The following MLLT3 variants were observed in gnomAD, a reference collection of about 807,000 sequenced individuals.
MLLT3 encodes protein AF-9.
A neutral mutation model predicts 53.2 loss-of-function variants in MLLT3; 4 were observed. The ratio of observed to expected loss-of-function variants is 0.08; its 90% CI spans 0.04 to 0.17. The LOEUF is 0.17. MLLT3 is among the 10% of genes least tolerant of loss of function. The pLI, the probability that MLLT3 is intolerant of heterozygous loss-of-function variation, is 1.00. For missense variants in MLLT3, 569 were observed against 684.0 expected (o/e 0.83, Z 1.87); for synonymous variants, 283 against 230.6 (o/e 1.23, Z -2.06).
At chr9:20,402,500 G>C (rs1189969008) in intron 5 of MLLT3, among the ~76,000 whole-genome samples, 1 of 152,140 alleles carries the variant, frequency 6.6e-6, no homozygotes, top group African/African-American at 2.4e-5. Context: ...GAACGGAGGA[G>C]GATCTGGGTT....
chr9:20,529,637 T>C (rs147883077), intron 2 of MLLT3, among the ~76,000 whole-genome samples: 4 of 152,226 alleles, frequency 2.6e-5, no homozygotes, highest in African/African-American at 9.6e-5. Context: ...TGTTTCATGA[T>C]TTTATTTTTA....
At chr9:20,530,505 T>C (rs1231443406) in intron 2 of MLLT3, among the ~76,000 whole-genome samples, 2 of 152,218 alleles carry the variant, frequency 1.3e-5, no homozygotes, top group Admixed American at 6.5e-5. Context: ...AGCTTCTAGA[T>C]GACGGAGAGA....
chr9:20,342,774 ATCATAT>A lies in MLLT3; in HGVS notation c.*3663_*3668del, dbSNP rs1258296986. On this transcript the variant is annotated 3_prime_UTR_variant, in exon 11 of 11. Transcript: ENST00000380338. The stretch of plus-strand genomic sequence containing the variant: ...TCACTGCAGCTGTAGTAGTCTCTAC[ATCATAT>A]TCATAGTTTTAGAGCAACAGTCCAA... 1 of 190,626 alleles carries A rather than the reference ATCATAT, an allele frequency of 5.2e-6. No homozygotes were observed. Among genetic ancestry groups the A allele is most frequent in the East Asian group, 8.4e-5 (1 of 11,964 alleles). The allele number at this position is 190,626 out of a possible 1,614,324, so 11.8% of individuals were successfully genotyped here. A position where few individuals can be genotyped will look rare whatever the true frequency, so the allele number is the denominator to read the frequency against.
At chr9:20,452,912 G>A (rs1823872954) in intron 3 of MLLT3, among the ~76,000 whole-genome samples, 1 of 152,164 alleles carries the variant, frequency 6.6e-6, no homozygotes, top group African/African-American at 2.4e-5. Flanking sequence ...AATTAAGTAA[G>A]ATGAATAAGC....
intron 2 of MLLT3, among the ~76,000 whole-genome samples, chr9:20,459,684 G>A (rs1824061058): frequency 6.6e-6 from 1 of 152,112 alleles, no homozygotes; most frequent in Non-Finnish European, 1.5e-5. Context: ...AGAAACAGCT[G>A]TTAATGAGCA....
intron 2 of MLLT3, among the ~76,000 whole-genome samples, chr9:20,557,144 T>G (rs1819081232): frequency 6.6e-6 from 1 of 152,078 alleles, no homozygotes; most frequent in Admixed American, 6.6e-5. Flanking sequence ...CTGGCCCCTG[T>G]TCATACCACC....
Position 20,396,508 on chromosome 9 carries a change from C to G in MLLT3, c.1125+17213G>C, listed in dbSNP as rs78769169. On this transcript the variant is annotated intron_variant, in intron 5 of 10. Coordinates refer to ENST00000380338, the MANE Select transcript of MLLT3 (RefSeq NM_004529.4). ...AGACCTGGGGCCCTTTCCCAGGTCT[C>G]AAGAGTCTTTCTGGGGTGTTAGTTT... Among the ~76,000 whole-genome samples the G allele has an allele frequency of 5.8e-3, 878 of 152,200 alleles. 12 individuals are homozygous for G. Among genetic ancestry groups the G allele is most frequent in the African/African-American group, 0.02 (843 of 41,514 alleles).
intron 2 of MLLT3, among the ~76,000 whole-genome samples, chr9:20,608,854 G>T (rs1168116685): frequency 6.6e-6 from 1 of 151,954 alleles, no homozygotes; most frequent in Admixed American, 6.6e-5. Flanking sequence ...ACAACAATAA[G>T]AAGTTCCTGA....
chr9:20,490,411 C>T (rs561428363), intron 2 of MLLT3, among the ~76,000 whole-genome samples: 2 of 152,356 alleles, frequency 1.3e-5, no homozygotes, highest in South Asian at 4.1e-4. Flanking sequence ...CCATTGCTGG[C>T]TTTGAAATGT....
At chr9:20,409,320 G>C (rs1489639908) in intron 5 of MLLT3, among the ~76,000 whole-genome samples, 1 of 151,972 alleles carries the variant, frequency 6.6e-6, no homozygotes, top group African/African-American at 2.4e-5. Context: ...CTTCATATCA[G>C]AAGACAAGAT....
chr9:20,470,520 T>C (rs1824362561), intron 2 of MLLT3, among the ~76,000 whole-genome samples: 1 of 152,042 alleles, frequency 6.6e-6, no homozygotes, highest in Admixed American at 6.6e-5. Flanking sequence ...TTAGTATACC[T>C]ATGTCAATGC....
At chr9:20,450,383 C>T (rs1823809349) in intron 3 of MLLT3, among the ~76,000 whole-genome samples, 1 of 152,194 alleles carries the variant, frequency 6.6e-6, no homozygotes, top group African/African-American at 2.4e-5. Context: ...AATCAGATTA[C>T]AGCTTTCCAC....
chr9:20,599,514 G>C (rs757921452), intron 2 of MLLT3, among the ~76,000 whole-genome samples: 1 of 150,256 alleles, frequency 6.7e-6, no homozygotes, highest in Non-Finnish European at 1.5e-5. Flanking sequence ...CATTGTCCAT[G>C]GTAAACATAA....
In MLLT3 at chr9:20,360,473, A is replaced by G. The variant is rs1479618775; in HGVS notation, c.1431+269T>C. On this transcript the variant is annotated intron_variant, in intron 8 of 10. Coordinates refer to ENST00000380338, the MANE Select transcript of MLLT3 (RefSeq NM_004529.4). ...TGTAAAGTATATAGAAATCAGGAGT[A>G]AATGGTAAATGGGCAATACTTTTTG... 2.6e-5 allele frequency among the ~76,000 whole-genome samples: 4 copies of G among 152,240 alleles called. No individual in the cohort carries two copies. The East Asian group carries it at 7.7e-4, about 29-fold the overall frequency.
chr9:20,598,911 G>A lies in MLLT3; in HGVS notation c.193+21743C>T, dbSNP rs565233263. On this transcript the variant is annotated intron_variant, in intron 2 of 10. Coordinates refer to ENST00000380338, the MANE Select transcript of MLLT3 (RefSeq NM_004529.4). ...TCTGCTGCTTTAGGCTTCTGATTAG[G>A]TTAAGAAAGGGAAACAAAAATTAAA... 5.9e-5 allele frequency among the ~76,000 whole-genome samples: 9 copies of A among 152,264 alleles called. No individual in the cohort carries two copies. The South Asian group carries it at 1.7e-3, about 28-fold the overall frequency.
chr9:20,424,964 T>C (rs535169103), intron 4 of MLLT3, among the ~76,000 whole-genome samples: 2 of 152,264 alleles, frequency 1.3e-5, no homozygotes, highest in African/African-American at 2.4e-5. Flanking sequence ...ACTATGTGAG[T>C]GCTTTCTATT....
chr9:20,611,311 T>A (rs1209616023), intron 2 of MLLT3, among the ~76,000 whole-genome samples: 1 of 152,078 alleles, frequency 6.6e-6, no homozygotes, highest in African/African-American at 2.4e-5. Context: ...AAAATTTATA[T>A]CTGAAAACAT....
intron 10 of MLLT3, among the ~76,000 whole-genome samples, chr9:20,351,466 G>C (rs1385720393): frequency 2.6e-5 from 4 of 152,202 alleles, no homozygotes; most frequent in African/African-American, 9.7e-5. Flanking sequence ...CTCTTGGTTT[G>C]ACTGTGTCTA....
At chr9:20,508,898 A>G (rs553640683) in intron 2 of MLLT3, among the ~76,000 whole-genome samples, 1 of 152,314 alleles carries the variant, frequency 6.6e-6, no homozygotes, top group South Asian at 2.1e-4. Context: ...AGGAACTCAT[A>G]ACCAAAAGAA....
Sources: allele counts gnomAD v4.1 joint callset (sites outside exome capture counted in the v4.1 genomes callset), GRCh38; gene constraint gnomAD v4.1.1; transcripts MANE v1.5; gene names NCBI Gene and HGNC (gene_info 2026-07-23, HGNC 2026-07-21).